ITGBL1: variants seen among roughly 807,000 people sequenced by gnomAD.
ITGBL1 encodes integrin subunit beta like 1, also known as integrin beta-like protein 1.
In ITGBL1, 51 loss-of-function variants were observed where a neutral mutation model predicts 68.5. The ratio of observed to expected loss-of-function variants is 0.74; its 90% CI spans 0.59 to 0.94. The LOEUF (loss-of-function observed/expected upper bound fraction) is 0.94. Ranked by LOEUF, ITGBL1 falls within the 40% of genes least tolerant of loss-of-function variation. ITGBL1 has a pLI of 0.00. For missense variants in ITGBL1, 649 were observed against 647.4 expected (o/e 1.00, Z -0.03); for synonymous variants, 209 against 227.3 (o/e 0.92, Z 0.72).
At chr13:101,670,521 T>G (rs1228410283) in intron 7 of ITGBL1, among the ~76,000 whole-genome samples, 1 of 152,232 alleles carries the variant, frequency 6.6e-6, no homozygotes, top group Non-Finnish European at 1.5e-5. Flanking sequence ...TCTTACATCC[T>G]TGTAATTTTC....
Position 101,715,787 on chromosome 13 carries a change from C to A in ITGBL1, c.*133C>A. 1.8e-6 allele frequency: 1 copy of A among 557,880 alleles called. No individual in the cohort carries two copies. Among genetic ancestry groups the A allele is most frequent in the Non-Finnish European group, 3.2e-6 (1 of 307,726 alleles). The allele number at this position is 557,880 out of a possible 1,614,324, so 34.6% of individuals were successfully genotyped here. A position where few individuals can be genotyped will look rare whatever the true frequency, so the allele number is the denominator to read the frequency against. ...TGTATGTTTTTCTATTTCTGAATTACGAATGAAATCCGAGTACCTATTAGA... is the reference window on the plus strand; with the variant it reads ...TGTATGTTTTTCTATTTCTGAATTAAGAATGAAATCCGAGTACCTATTAGA... On this transcript the variant is annotated 3_prime_UTR_variant, in exon 11 of 11. Coordinates refer to ENST00000376180, the MANE Select transcript of ITGBL1 (RefSeq NM_004791.3).
chr13:101,499,274 C>T (rs574843861), intron 2 of ITGBL1, among the ~76,000 whole-genome samples: 1 of 152,280 alleles, frequency 6.6e-6, no homozygotes, highest in South Asian at 2.1e-4. Flanking sequence ...CAAACTTTAT[C>T]CTAGTTATCA....
intron 2 of ITGBL1, chr13:101,490,116 G>A (rs920928674): frequency 2.9e-6 from 2 of 690,154 alleles, no homozygotes; most frequent in Non-Finnish European, 4.9e-6. Flanking sequence ...TTTGGAGGTG[G>A]GGCCTTTTGG....
At chr13:101,594,781 T>C (rs1338778348) in intron 6 of ITGBL1, among the ~76,000 whole-genome samples, 2 of 152,090 alleles carry the variant, frequency 1.3e-5, no homozygotes. Context: ...AGAAAATAAA[T>C]TTATTTTGGG....
chr13:101,650,043 A>G (rs1566775208), intron 7 of ITGBL1, among the ~76,000 whole-genome samples: 1 of 151,802 alleles, frequency 6.6e-6, no homozygotes. Context: ...GAATAAAAGC[A>G]AGAGAGAGAG....
rs151335336 is a variant in ITGBL1 at position 101,598,584 on chromosome 13, G to A, written c.1015+285G>A. 2.2e-3 allele frequency among the ~76,000 whole-genome samples: 329 copies of A among 151,770 alleles called. 6 individuals carry two copies. In the East Asian group the frequency reaches 0.057, roughly 26 times the overall value. ...ATATCTCCTAATGCTATCCCTCCCC[G>A]CTGCCCCCACCACACAACAGTCCCC... On this transcript the variant is annotated intron_variant, in intron 7 of 10. Coordinates refer to ENST00000376180, the MANE Select transcript of ITGBL1 (RefSeq NM_004791.3).
At chr13:101,503,911 G>C (rs187892663) in intron 2 of ITGBL1, among the ~76,000 whole-genome samples, 75 of 152,310 alleles carry the variant, frequency 4.9e-4, no homozygotes, top group African/African-American at 1.7e-3. Context: ...TAGGAAGACA[G>C]GGAGTATTCA....
intron 7 of ITGBL1, among the ~76,000 whole-genome samples, chr13:101,650,798 C>G (rs2032725315): frequency 6.6e-6 from 1 of 152,022 alleles, no homozygotes; most frequent in South Asian, 2.1e-4. Flanking sequence ...TCCCATGTCC[C>G]CCTTTTGACA....
At chr13:101,531,700 GTTATTTATTTATTTATTTATTTAT>G (rs10551253) in intron 2 of ITGBL1, among the ~76,000 whole-genome samples, 1 of 139,998 alleles carries the variant, frequency 7.1e-6, no homozygotes, top group Non-Finnish European at 1.5e-5. Context: ...TTTTTATTTT[GTTATTTATTTATTTATTTATTTAT>G]TTATTTATTT....
intron 7 of ITGBL1, among the ~76,000 whole-genome samples, chr13:101,652,020 A>G (rs1323616215): frequency 1.3e-5 from 2 of 152,080 alleles, no homozygotes; most frequent in African/African-American, 2.4e-5. Flanking sequence ...ATTCTGTTGC[A>G]TTGGTCTATG....
intron 7 of ITGBL1, among the ~76,000 whole-genome samples, chr13:101,634,964 G>T (rs1013379494): frequency 6.6e-6 from 1 of 151,790 alleles, no homozygotes; most frequent in Non-Finnish European, 1.5e-5. Flanking sequence ...GTGTGTGTGT[G>T]TGTGTGTATT....
intron 2 of ITGBL1, among the ~76,000 whole-genome samples, chr13:101,526,855 T>C (rs1380396861): frequency 6.6e-6 from 1 of 152,096 alleles, no homozygotes; most frequent in Non-Finnish European, 1.5e-5. Context: ...ATCATGGCAT[T>C]CTACCCCCAA....
At chr13:101,633,530 G>T (rs1259552533) in intron 7 of ITGBL1, among the ~76,000 whole-genome samples, 1 of 152,114 alleles carries the variant, frequency 6.6e-6, no homozygotes, top group East Asian at 1.9e-4. Context: ...TGAGTTGTCA[G>T]CCAAAAAAAC....
intron 6 of ITGBL1, among the ~76,000 whole-genome samples, chr13:101,592,069 C>T (rs2050664725): frequency 6.6e-6 from 1 of 152,012 alleles, no homozygotes; most frequent in Admixed American, 6.6e-5. Context: ...TTTGACCAGC[C>T]CCACTCTGTA....
chr13:101,658,046 C>A (rs1256806530), intron 7 of ITGBL1, among the ~76,000 whole-genome samples: 1 of 151,920 alleles, frequency 6.6e-6, no homozygotes, highest in African/African-American at 2.4e-5. Context: ...TCTCTCTTCA[C>A]TAGGAAAGAA....
intron 7 of ITGBL1, among the ~76,000 whole-genome samples, chr13:101,624,595 CT>C (rs1481293394): frequency 6.6e-6 from 1 of 152,160 alleles, no homozygotes; most frequent in Admixed American, 6.5e-5. Flanking sequence ...TGTGCTTTCT[CT>C]TTGCCGAGTC....
At chr13:101,558,083 C>CAAAAAAAAAAAAAAAAAAA (rs568103738) in intron 2 of ITGBL1, among the ~76,000 whole-genome samples, 3 of 71,710 alleles carry the variant, frequency 4.2e-5, no homozygotes, top group African/African-American at 2.0e-4. Context: ...AACTCCGTCT[C>CAAAAAAAAAAAAAAAAAAA]AAAAAAAAAA....
At chr13:101,696,621 CT>C (rs1253983438) in intron 8 of ITGBL1, among the ~76,000 whole-genome samples, 1 of 152,144 alleles carries the variant, frequency 6.6e-6, no homozygotes, top group African/African-American at 2.4e-5. Context: ...GGAAGCCTCT[CT>C]GAAATGATGT....
chr13:101,526,022 ATTACT>A (rs2049370711), intron 2 of ITGBL1, among the ~76,000 whole-genome samples: 1 of 151,930 alleles, frequency 6.6e-6, no homozygotes, highest in Non-Finnish European at 1.5e-5. Context: ...CCCTATTTTG[ATTACT>A]TCACATCAAG....
Sources: gnomAD v4.1 joint callset for allele counts (sites outside exome capture counted in the v4.1 genomes callset) on GRCh38, gnomAD v4.1.1 for gene constraint, MANE v1.5 for transcripts, NCBI Gene and HGNC (gene_info 2026-07-23, HGNC 2026-07-21) for gene names.